Variants in ALG5 observed in about 807,000 individuals in gnomAD.
ALG5 encodes ALG5 dolichyl-phosphate beta-glucosyltransferase.
ALG5 carries 26 observed loss-of-function variants against 51.8 expected under a neutral mutation model. The ratio of observed to expected loss-of-function variants is 0.50; its 90% confidence interval spans 0.37 to 0.70. The LOEUF (loss-of-function observed/expected upper bound fraction) is 0.70. Among genes scored for constraint, ALG5 ranks in the 30% least tolerant of loss-of-function variants. The pLI is 0.00. For missense variants in ALG5, 311 were observed against 399.3 expected, an observed-to-expected ratio of 0.78 and a Z score of 1.88; for synonymous variants, 141 against 136.1, an observed-to-expected ratio of 1.04 and a Z score of -0.25.
intron 5 of ALG5, 69 bp from the exon 6 acceptor site, chr13:36,985,809 C>T: frequency 9.7e-7 from 1 of 1,027,858 alleles, no homozygotes; most frequent in Non-Finnish European, 1.5e-6. Context: ...ACACTTCAGT[C>T]TGTTCTACTT....
chr13:36,950,769 A>G (rs755101698), intron 9 of ALG5, among the ~76,000 whole-genome samples: 16 of 152,140 alleles, frequency 1.1e-4, no homozygotes, highest in Non-Finnish European at 2.1e-4. Context: ...ATTTTTTTAT[A>G]GAGATGAGGT....
At chr13:36,971,940 T>G (rs765096377) in intron 7 of ALG5, 37 bp downstream of exon 7, 1 of 1,538,208 alleles carries the variant, frequency 6.5e-7, no homozygotes, top group Non-Finnish European at 8.8e-7. Flanking sequence ...TAAAAGCCAA[T>G]TAATTGGCTG....
intron 8 of ALG5, among the ~76,000 whole-genome samples, chr13:36,954,934 A>T (rs1015864594): frequency 6.6e-6 from 1 of 152,166 alleles, no homozygotes; most frequent in Admixed American, 6.5e-5. Context: ...ATGATAATAA[A>T]AATAAAAAAA....
intron 6 of ALG5, among the ~76,000 whole-genome samples, chr13:36,977,288 C>T (rs2058956365): frequency 6.6e-6 from 1 of 152,040 alleles, no homozygotes; most frequent in Non-Finnish European, 1.5e-5. Flanking sequence ...TCTTTTAAAC[C>T]TCTTTTGGAG....
chr13:36,983,653 A>G (rs1024137167), intron 6 of ALG5, among the ~76,000 whole-genome samples: 2 of 152,270 alleles, frequency 1.3e-5, no homozygotes, highest in Admixed American at 1.3e-4. Context: ...CATTTTATTT[A>G]AATTTAAATA....
intron 1 of ALG5, among the ~76,000 whole-genome samples, chr13:36,996,329 T>C (rs1465011999): frequency 6.6e-6 from 1 of 152,240 alleles, no homozygotes; most frequent in African/African-American, 2.4e-5. Context: ...ATGCTATTCA[T>C]TTGTAATTTA....
At position 36,993,588 on chromosome 13, in the gene ALG5, A is replaced by G. The variant is rs558277979; in HGVS notation, c.354+16T>C. The G allele has an allele frequency of 2.5e-6, 4 of 1,605,128 alleles. No individual in the cohort carries two copies. The African/African-American group carries it at 4.0e-5, about 16-fold the overall frequency. On this transcript the variant is annotated intron_variant, in intron 4 of 9. Coordinates refer to ENST00000239891, the MANE Select transcript of ALG5 (RefSeq NM_013338.5). ...ATTTTCTAACTATTGTCAATTCTAAAAGCAAGTGTATTTACCTTTGAGGTC... is the reference window on the plus strand; with the variant it reads ...ATTTTCTAACTATTGTCAATTCTAAGAGCAAGTGTATTTACCTTTGAGGTC...
At chr13:36,994,897 G>T in intron 3 of ALG5, 92 bp downstream of exon 3, 1 of 1,107,564 alleles carries the variant, frequency 9.0e-7, no homozygotes, top group Non-Finnish European at 1.4e-6. Context: ...TGCCAGGACT[G>T]CCTCTCACAG....
intron 7 of ALG5, among the ~76,000 whole-genome samples, chr13:36,966,013 C>T: frequency 6.6e-6 from 1 of 152,178 alleles, no homozygotes; most frequent in East Asian, 1.9e-4. Flanking sequence ...AGGTTTGGGG[C>T]TGCTGCTGTG....
At chr13:36,979,488 T>C (rs954753708) in intron 6 of ALG5, among the ~76,000 whole-genome samples, 2 of 152,154 alleles carry the variant, frequency 1.3e-5, no homozygotes, top group African/African-American at 4.8e-5. Context: ...TCACATTCTT[T>C]TAAGGAACCA....
chr13:36,995,618 T>G (rs776019976), intron 1 of ALG5, 22 bp from the exon 2 acceptor site: 1 of 1,584,156 alleles, frequency 6.3e-7, no homozygotes, highest in East Asian at 2.2e-5. Context: ...CATACATGTC[T>G]TTTACAAAAC....
chr13:36,981,676 A>G (rs1442696766), intron 6 of ALG5, among the ~76,000 whole-genome samples: 4 of 152,258 alleles, frequency 2.6e-5, no homozygotes, highest in Admixed American at 2.0e-4. Flanking sequence ...GGCAATGAAC[A>G]GGAAAAAGAG....
intron 3 of ALG5, among the ~76,000 whole-genome samples, chr13:36,994,250 C>T (rs149148765): frequency 1.5e-3 from 228 of 152,290 alleles, no homozygotes; most frequent in African/African-American, 5.2e-3. Flanking sequence ...TAAGGTAATA[C>T]AGCCCTTTCT....
intron 8 of ALG5, among the ~76,000 whole-genome samples, chr13:36,959,548 T>TTA (rs1236253727): frequency 1.3e-5 from 2 of 151,942 alleles, no homozygotes; most frequent in African/African-American, 2.4e-5. Context: ...AGGCCTAGAA[T>TTA]TATAATATTT....
At chr13:36,990,345 C>T (rs79343343) in intron 4 of ALG5, among the ~76,000 whole-genome samples, 7,798 of 152,232 alleles carry the variant, frequency 0.051, 675 homozygotes, top group African/African-American at 0.18. Flanking sequence ...ATCAGGTACC[C>T]TCTCCTTTGA....
chr13:36,959,533 C>A (rs113998148), intron 8 of ALG5, among the ~76,000 whole-genome samples: 1,594 of 152,114 alleles, frequency 0.01, 22 homozygotes, highest in African/African-American at 0.036. Flanking sequence ...AAAAGAACTA[C>A]ATTAAGGCCT....
chr13:36,956,849 A>C (rs2058842094), intron 8 of ALG5, among the ~76,000 whole-genome samples: 1 of 152,040 alleles, frequency 6.6e-6, no homozygotes, highest in Non-Finnish European at 1.5e-5. Flanking sequence ...TATTGAAGCC[A>C]AAAAAGCCAA....
At chr13:36,964,936 G>T (rs1446570899) in intron 8 of ALG5, among the ~76,000 whole-genome samples, 2 of 137,540 alleles carry the variant, frequency 1.5e-5, no homozygotes, top group Admixed American at 1.5e-4. Flanking sequence ...AAAAAAAAAT[G>T]ATGAGGCATG....
intron 7 of ALG5, among the ~76,000 whole-genome samples, chr13:36,971,282 T>C (rs1311889027): frequency 6.6e-6 from 1 of 152,098 alleles, no homozygotes; most frequent in Admixed American, 6.5e-5. Context: ...TTTAACTGAA[T>C]AAAATTCAAA....
Sources: allele counts gnomAD v4.1 joint callset (sites outside exome capture counted in the v4.1 genomes callset), GRCh38; gene constraint gnomAD v4.1.1; transcripts MANE v1.5; gene names NCBI Gene and HGNC (gene_info 2026-07-23, HGNC 2026-07-21).